The following CSNK2A2IP variants were observed in gnomAD, a reference collection of about 807,000 sequenced individuals.
The protein encoded by CSNK2A2IP is casein kinase 2 subunit alpha' interacting protein.
the CSNK2A2IP span, among the ~76,000 whole-genome samples, chr3:88,368,693 C>T: frequency 6.6e-6 from 1 of 152,018 alleles, no homozygotes; most frequent in African/African-American, 2.4e-5. Context: ...TGTTTGATCC[C>T]ATGATTCGGA....
chr3:88,427,929 A>C, the CSNK2A2IP span, among the ~76,000 whole-genome samples: 1 of 152,138 alleles, frequency 6.6e-6, no homozygotes, highest in Non-Finnish European at 1.5e-5. Context: ...GAGGGCCACC[A>C]TCCCCCAGAC....
the CSNK2A2IP span, among the ~76,000 whole-genome samples, chr3:88,435,918 T>TTTCAGG: frequency 6.3e-5 from 6 of 94,590 alleles, no homozygotes; most frequent in Middle Eastern, 4.9e-3. Flanking sequence ...ATTATATATA[T>TTTCAGG]AATGCACATT....
At chr3:88,434,071 A>T in the CSNK2A2IP span, among the ~76,000 whole-genome samples, 6 of 152,144 alleles carry the variant, frequency 3.9e-5, no homozygotes, top group African/African-American at 1.4e-4. Flanking sequence ...AAATTTAGAT[A>T]AAAAAATGAG....
At chr3:88,463,943 A>T in the CSNK2A2IP span, among the ~76,000 whole-genome samples, 3 of 152,066 alleles carry the variant, frequency 2.0e-5, no homozygotes, top group Non-Finnish European at 2.9e-5. Context: ...AAAATGTGGC[A>T]CATATACACC....
At chr3:88,354,185 C>A in the CSNK2A2IP span, among the ~76,000 whole-genome samples, 2 of 152,268 alleles carry the variant, frequency 1.3e-5, no homozygotes, top group South Asian at 4.1e-4. Flanking sequence ...TGCAGAACTG[C>A]GAACTAAATA....
the CSNK2A2IP span, among the ~76,000 whole-genome samples, chr3:88,340,119 T>C: frequency 5.3e-5 from 8 of 152,028 alleles, no homozygotes; most frequent in Admixed American, 5.3e-4. Flanking sequence ...TTAGAGTCAT[T>C]GTGATTATGA....
the CSNK2A2IP span, among the ~76,000 whole-genome samples, chr3:88,365,184 A>T: frequency 6.6e-6 from 1 of 152,166 alleles, no homozygotes; most frequent in East Asian, 1.9e-4. Flanking sequence ...AGCTGGAAGG[A>T]TTAGAGGATA....
At chr3:88,454,252 T>G in the CSNK2A2IP span, among the ~76,000 whole-genome samples, 1 of 152,148 alleles carries the variant, frequency 6.6e-6, no homozygotes, top group East Asian at 1.9e-4. Context: ...TTCAAATATT[T>G]AGCTAATTTT....
At chr3:88,381,800 CTGTT>C in the CSNK2A2IP span, among the ~76,000 whole-genome samples, 5 of 152,160 alleles carry the variant, frequency 3.3e-5, no homozygotes, top group Non-Finnish European at 5.9e-5. Context: ...GCAAGAGGAA[CTGTT>C]TGGAAGTGAT....
At chr3:88,370,170 C>T in the CSNK2A2IP span, among the ~76,000 whole-genome samples, 1 of 151,798 alleles carries the variant, frequency 6.6e-6, no homozygotes, top group South Asian at 2.1e-4. Context: ...AAATAACAGA[C>T]AGGAGACACT....
the CSNK2A2IP span, among the ~76,000 whole-genome samples, chr3:88,391,103 A>AG: frequency 5.9e-5 from 9 of 152,180 alleles, no homozygotes; most frequent in Non-Finnish European, 1.3e-4. Flanking sequence ...AATACTTAAT[A>AG]GGCAGCTGCA....
At chr3:88,416,317 G>A in the CSNK2A2IP span, among the ~76,000 whole-genome samples, 1 of 149,968 alleles carries the variant, frequency 6.7e-6, no homozygotes, top group African/African-American at 2.5e-5. Context: ...AGAAGTTTCA[G>A]TCAGCCAGAG....
chr3:88,393,504 T>C, the CSNK2A2IP span, among the ~76,000 whole-genome samples: 2,502 of 152,260 alleles, frequency 0.016, 86 homozygotes, highest in African/African-American at 0.058. Context: ...AGTGGATCGA[T>C]ATAGATAAAT....
chr3:88,450,282 A>G, the CSNK2A2IP span, among the ~76,000 whole-genome samples: 1 of 152,150 alleles, frequency 6.6e-6, no homozygotes, highest in Non-Finnish European at 1.5e-5. Flanking sequence ...TAACATGACT[A>G]TAATCTCACA....
the CSNK2A2IP span, among the ~76,000 whole-genome samples, chr3:88,430,060 C>T: frequency 6.6e-6 from 1 of 151,990 alleles, no homozygotes; most frequent in Admixed American, 6.6e-5. Context: ...TGCGCCCGGC[C>T]GAGTAGGAAC....
the CSNK2A2IP span, among the ~76,000 whole-genome samples, chr3:88,434,955 T>C: frequency 6.6e-6 from 1 of 152,146 alleles, no homozygotes; most frequent in Non-Finnish European, 1.5e-5. Flanking sequence ...TTTATCAGAA[T>C]TTATCACCAA....
At chr3:88,347,347 C>G in the CSNK2A2IP span, among the ~76,000 whole-genome samples, 1 of 152,102 alleles carries the variant, frequency 6.6e-6, no homozygotes, top group Admixed American at 6.6e-5. Flanking sequence ...AAAATGCTAT[C>G]AAACAACACT....
chr3:88,385,113 C>T, the CSNK2A2IP span, among the ~76,000 whole-genome samples: 2 of 152,050 alleles, frequency 1.3e-5, no homozygotes, highest in Non-Finnish European at 2.9e-5. Flanking sequence ...ATTAAATCAC[C>T]TTGGGAGAGA....
the CSNK2A2IP span, among the ~76,000 whole-genome samples, chr3:88,430,311 T>C: frequency 9.2e-5 from 14 of 152,144 alleles, no homozygotes; most frequent in African/African-American, 3.4e-4. Context: ...TGGAATATCT[T>C]CTCAAATCTA....
Sources: allele counts gnomAD v4.1 joint callset (sites outside exome capture counted in the v4.1 genomes callset), GRCh38; gene constraint gnomAD v4.1.1; transcripts MANE v1.5; gene names NCBI Gene and HGNC (gene_info 2026-07-23, HGNC 2026-07-21).